The following DGKB variants were observed in gnomAD, a reference collection of about 807,000 sequenced individuals.
The protein encoded by DGKB is 90 kDa diacylglycerol kinase.
In DGKB, 67 loss-of-function variants were observed where a neutral mutation model predicts 114.3. The observed-to-expected ratio is 0.59, with a 90% confidence interval of 0.48 to 0.72. DGKB has a LOEUF of 0.72. DGKB is among the 30% of genes least tolerant of loss of function. DGKB has a pLI of 0.00. For missense variants in DGKB, 907 were observed against 975.2 expected, an observed-to-expected ratio of 0.93 and a Z score of 0.93; for synonymous variants, 398 against 323.1, an observed-to-expected ratio of 1.23 and a Z score of -2.49.
intron 23 of DGKB, among the ~76,000 whole-genome samples, chr7:14,275,769 T>A (rs941691808): frequency 4.6e-5 from 7 of 152,188 alleles, no homozygotes; most frequent in Non-Finnish European, 8.8e-5. Context: ...ATTAGAAGAA[T>A]TCCAAGTTTG....
intron 1 of DGKB, among the ~76,000 whole-genome samples, chr7:14,902,123 A>G (rs1379379387): frequency 1.3e-5 from 2 of 152,146 alleles, no homozygotes; most frequent in Admixed American, 6.5e-5. Context: ...TTAATTTAAT[A>G]AGGTAAATCG....
chr7:14,967,652 TAAAAAA>T (rs35965873), intron 1 of DGKB, among the ~76,000 whole-genome samples: 54 of 101,042 alleles, frequency 5.3e-4, no homozygotes, highest in African/African-American at 1.8e-3. Context: ...TGTGATTTAT[TAAAAAA>T]AAAAAAAAAA....
rs1399796459 is a variant in DGKB at position 14,650,121 on chromosome 7, G to C, written c.1135-19853C>G. 6.7e-5 allele frequency among the ~76,000 whole-genome samples: 10 copies of C among 148,358 alleles called. No individual in the cohort carries two copies. In the East Asian group the frequency reaches 8.1e-4, roughly 12 times the overall value. Reference sequence around the variant, plus strand: ...AAGTCAACAAGGATACCCAGGAATTGAACTCAGCTCTGCACCAAGTGGACC... The same window carrying C: ...AAGTCAACAAGGATACCCAGGAATTCAACTCAGCTCTGCACCAAGTGGACC... On this transcript the variant is annotated intron_variant, in intron 13 of 25. Coordinates refer to ENST00000402815, the MANE Select transcript of DGKB (RefSeq NM_001350709.2).
intron 2 of DGKB, among the ~76,000 whole-genome samples, chr7:14,779,121 T>A (rs999898978): frequency 1.3e-5 from 2 of 151,906 alleles, no homozygotes; most frequent in South Asian, 4.2e-4. Flanking sequence ...GTGCCACTGC[T>A]CTCCAGCCTG....
rs560703717 is a variant in DGKB, at chr7:14,427,154, T to C, written c.1835+51007A>G. 4.6e-5 allele frequency among the ~76,000 whole-genome samples: 7 copies of C among 152,104 alleles called. No individual in the cohort carries two copies. The East Asian group carries it at 1.4e-3, about 29-fold the overall frequency. ...GCTAATGCATATGGGGCTTAATACC[T>C]AGGTAATAGGTTGATAGGAGCAGCA... On this transcript the variant is annotated intron_variant, in intron 21 of 25. Transcript: ENST00000402815.
chr7:14,255,885 C>T (rs543178923), intron 23 of DGKB, among the ~76,000 whole-genome samples: 2 of 152,172 alleles, frequency 1.3e-5, no homozygotes, highest in South Asian at 2.1e-4. Context: ...ACAAACCTGT[C>T]GCAGCAAAGA....
chr7:14,958,059 T>C (rs981660457), intron 1 of DGKB, among the ~76,000 whole-genome samples: 3 of 152,082 alleles, frequency 2.0e-5, no homozygotes, highest in Non-Finnish European at 1.5e-5. Context: ...ACAATTTAAA[T>C]GCATTAATTT....
At chr7:14,514,407 A>G (rs544089915) in intron 20 of DGKB, among the ~76,000 whole-genome samples, 2 of 152,270 alleles carry the variant, frequency 1.3e-5, no homozygotes, top group East Asian at 3.9e-4. Flanking sequence ...AAAGCTACTT[A>G]CAAGTAGAAC....
chr7:14,463,840 A>C (rs1201816832), intron 21 of DGKB, among the ~76,000 whole-genome samples: 1 of 152,204 alleles, frequency 6.6e-6, no homozygotes, highest in Non-Finnish European at 1.5e-5. Context: ...ATCATTTAGT[A>C]GAGTATCTGG....
chr7:14,908,935 C>G (rs118146135), intron 1 of DGKB, among the ~76,000 whole-genome samples: 4,334 of 152,246 alleles, frequency 0.028, 92 homozygotes, highest in Non-Finnish European at 0.045. Context: ...AATCAGCCAT[C>G]TGTGTGGTAT....
chr7:14,385,392 A>G (rs1002127742), intron 21 of DGKB, among the ~76,000 whole-genome samples: 1 of 152,232 alleles, frequency 6.6e-6, no homozygotes, highest in South Asian at 2.1e-4. Flanking sequence ...TGCTATTTGT[A>G]GACTAGGTCC....
At chr7:14,481,540 T>A (rs995446598) in intron 20 of DGKB, among the ~76,000 whole-genome samples, 1 of 151,992 alleles carries the variant, frequency 6.6e-6, no homozygotes, top group African/African-American at 2.4e-5. Flanking sequence ...AATTGTTCAT[T>A]TTTGATGATT....
rs377037518 is a variant in DGKB at position 14,841,291 on chromosome 7, C to T, written c.-28G>A. On this transcript the variant is annotated 5_prime_UTR_variant, in exon 2 of 26. Transcript: ENST00000402815. ...TGGTGGTGAGAAGCTCTGTCACATA[C>T]CAGGTAAAAGATTCTTTATTCAGGT... The T allele has an allele frequency of 8.9e-5, 143 of 1,604,476 alleles. 1 individual carries two copies. The highest frequency in any genetic ancestry group is 2.0e-5 in the Non-Finnish European group (24 of 1,172,820).
At chr7:14,318,316 CA>C (rs1720970197) in intron 23 of DGKB, among the ~76,000 whole-genome samples, 1 of 149,066 alleles carries the variant, frequency 6.7e-6, no homozygotes, top group African/African-American at 2.5e-5. Flanking sequence ...AGCTTCTGCA[CA>C]GCAAAAGAAA....
At chr7:14,389,147 G>A (rs1028024474) in intron 21 of DGKB, among the ~76,000 whole-genome samples, 2 of 152,110 alleles carry the variant, frequency 1.3e-5, no homozygotes, top group South Asian at 2.1e-4. Context: ...GCAGCATTTC[G>A]GATGAGGCCT....
chr7:14,778,729 C>T (rs1838608728), intron 2 of DGKB, among the ~76,000 whole-genome samples: 1 of 152,126 alleles, frequency 6.6e-6, no homozygotes, highest in African/African-American at 2.4e-5. Flanking sequence ...TGACTTGTAA[C>T]CTTGACCCTT....
intron 2 of DGKB, among the ~76,000 whole-genome samples, chr7:14,770,405 A>T (rs1253235420): frequency 6.6e-6 from 1 of 152,082 alleles, no homozygotes; most frequent in African/African-American, 2.4e-5. Flanking sequence ...TGTTATAAAG[A>T]AATGTCCTGG....
chr7:14,662,026 A>G (rs925640610), intron 13 of DGKB, among the ~76,000 whole-genome samples: 2 of 152,176 alleles, frequency 1.3e-5, no homozygotes, highest in Admixed American at 1.3e-4. Context: ...GGACACAGGA[A>G]GGGGAACATC....
chr7:14,693,908 C>T (rs943902574), intron 9 of DGKB, among the ~76,000 whole-genome samples, 167 bp downstream of exon 9: 1 of 152,128 alleles, frequency 6.6e-6, no homozygotes, highest in Non-Finnish European at 1.5e-5. Flanking sequence ...AGTATTACTA[C>T]ACAAGGAGTT....
Sources: allele counts gnomAD v4.1 joint callset (sites outside exome capture counted in the v4.1 genomes callset), GRCh38; gene constraint gnomAD v4.1.1; transcripts MANE v1.5; gene names NCBI Gene and HGNC (gene_info 2026-07-23, HGNC 2026-07-21).